AFP: variants seen among roughly 807,000 people sequenced by gnomAD.
AFP encodes the protein alpha fetoprotein, also known as alpha-fetoprotein.
AFP carries 64 observed loss-of-function variants against 78.9 expected under a neutral mutation model. That is an observed-to-expected ratio of 0.81 (90% confidence interval 0.66 to 1.00). The LOEUF is 1.00. Ranked by LOEUF, AFP falls within the 50% of genes least tolerant of loss-of-function variation. AFP has a pLI of 0.00. For synonymous variants in AFP, 254 were observed against 243.8 expected (o/e 1.04, Z -0.39); for missense variants, 689 against 703.8 (o/e 0.98, Z 0.24).
Position 73,452,459 on chromosome 4 carries a change from G to A in AFP, c.1487G>A (p.Gly496Asp), listed in dbSNP as rs201210663. ...CATGAAATGACTCCAGTAAACCCTG[G>A]TGTTGGCCAGTGCTGCACTTCTTCA... ...IRHEMTPVNP[G>D]VGQCCTSSYA... is the part of the protein sequence containing the mutation. Residue 496 changes from glycine (G) to aspartate (D), a missense_variant, in exon 12 of 15, where the codon GGT becomes GAT. Physicochemically the swap from Gly to Asp is moderately conservative, Grantham distance 94. Transcript: ENST00000395792. The A allele has an allele frequency of 1.4e-4, 234 of 1,614,072 alleles. 3 individuals carry two copies. In the South Asian group the frequency reaches 2.4e-3, roughly 16 times the overall value.
intron 4 of AFP, 27 bp downstream of exon 4, chr4:73,440,840 C>G (rs1490239091): frequency 6.3e-7 from 1 of 1,595,602 alleles, no homozygotes; most frequent in Non-Finnish European, 8.6e-7. Context: ...AAGGTAGATG[C>G]AAACCTCAGA....
intron 14 of AFP, 158 bp from the exon 15 acceptor site, chr4:73,455,471 CTA>C (rs1224558000): frequency 1.4e-4 from 92 of 645,984 alleles, no homozygotes; most frequent in Non-Finnish European, 2.2e-4. Flanking sequence ...AGTGGCTCAA[CTA>C]TGCAAAATCC....
chr4:73,450,659 C>T lies in AFP; in HGVS notation c.1334C>T (p.Ser445Leu), dbSNP rs140788572. The change falls in exon 11 of 15, where the codon TCG (serine) becomes TTG (leucine). Residue 445 changes from serine (S) to leucine (L), a missense_variant. Physicochemically the swap from Ser to Leu is moderately radical, Grantham distance 145. Coordinates refer to ENST00000395792, the MANE Select transcript of AFP (RefSeq NM_001134.3). The part of the protein sequence containing the change: ...YTKKAPQLTS[S>L]ELMAITRKMA... ...AAGAAAGCCCCCCAGCTGACCTCGTCGGAGCTGATGGCCATCACCAGAAAA... is the reference window on the plus strand; with the variant it reads ...AAGAAAGCCCCCCAGCTGACCTCGTTGGAGCTGATGGCCATCACCAGAAAA... 146 of 1,614,022 alleles carry T rather than the reference C, an allele frequency of 9.0e-5. No homozygotes were observed. Among genetic ancestry groups the T allele is most frequent in the Admixed American group, 1.8e-4 (11 of 59,986 alleles).
At chr4:73,453,089 TG>T (rs1720051920) in intron 12 of AFP, among the ~76,000 whole-genome samples, 1 of 152,220 alleles carries the variant, frequency 6.6e-6, no homozygotes, top group African/African-American at 2.4e-5. Flanking sequence ...CAGTTCATTG[TG>T]GGAGCTCTTT....
intron 14 of AFP, 132 bp downstream of exon 14, chr4:73,455,422 A>T: frequency 1.2e-6 from 1 of 802,468 alleles, no homozygotes; most frequent in East Asian, 2.5e-5. Context: ...AGTTTATTTT[A>T]AAAACACTTG....
At chr4:73,436,533 T>C (rs1262015184) in intron 1 of AFP, among the ~76,000 whole-genome samples, 186 bp downstream of exon 1, 4 of 151,970 alleles carry the variant, frequency 2.6e-5, no homozygotes, top group East Asian at 1.9e-4. Flanking sequence ...TACAAAGTTA[T>C]AGCAGTGTTT....
At chr4:73,442,195 T>C (rs1162041852) in intron 4 of AFP, 101 bp from the exon 5 acceptor site, 2 of 1,162,964 alleles carry the variant, frequency 1.7e-6, no homozygotes, top group Non-Finnish European at 2.5e-6. Flanking sequence ...TTTGTTGTTG[T>C]TGTTTTTGAA....
intron 4 of AFP, among the ~76,000 whole-genome samples, chr4:73,441,166 A>G (rs1324253876): frequency 2.6e-5 from 4 of 151,902 alleles, no homozygotes; most frequent in Non-Finnish European, 4.4e-5. Context: ...AGAGCCATAT[A>G]TTGGTGTTTT....
rs779218170 is a variant in AFP, at chr4:73,449,409, A to G, written c.1133A>G (p.Gln378Arg). 5 of 1,613,628 alleles carry G rather than the reference A, an allele frequency of 3.1e-6. No homozygotes were observed. The highest frequency in any genetic ancestry group is 4.2e-6 in the Non-Finnish European group (5 of 1,179,666). Residue 378 changes from glutamine (Q) to arginine (R), a missense_variant, in exon 9 of 15, where the codon CAG (glutamine) becomes CGG (arginine). Coordinates refer to ENST00000395792, the MANE Select transcript of AFP (RefSeq NM_001134.3). The part of the protein sequence containing the change: ...SVILRVAKGY[Q>R]ELLEKCFQTE... ...ATTCTAAGAGTTGCTAAAGGATACCAGGAGTTATTGGAGAAGTGTTTCCAG... is the reference window on the plus strand; with the variant it reads ...ATTCTAAGAGTTGCTAAAGGATACCGGGAGTTATTGGAGAAGTGTTTCCAG...
chr4:73,451,789 C>A (rs1269198577), intron 11 of AFP, among the ~76,000 whole-genome samples: 1 of 152,194 alleles, frequency 6.6e-6, no homozygotes, highest in African/African-American at 2.4e-5. Flanking sequence ...CAGCACTAGT[C>A]TGACAGATAA....
rs1420244947 is a variant in AFP at position 73,452,411 on chromosome 4, T to A, written c.1439T>A (p.Ile480Asn). Residue 480 changes from isoleucine (I) to asparagine (N), a missense_variant, in exon 12 of 15, where the codon ATT becomes AAT. By Grantham distance (149) the Ile-to-Asn change is moderately radical (BLOSUM62 -3). Transcript: ENST00000395792. ...CATTCTCCTAACCAGGCTGACATTA[T>A]TATCGGACACTTATGTATCAGACAT... is the stretch of plus-strand genomic sequence containing the variant. ...LACGEGAADIIIGHLCIRHEM... is the reference protein window; with the variant it reads ...LACGEGAADINIGHLCIRHEM... 1.9e-6 allele frequency: 3 copies of A among 1,613,848 alleles called. No individual in the cohort carries two copies. Among genetic ancestry groups the A allele is most frequent in the Non-Finnish European group, 2.5e-6 (3 of 1,179,848 alleles).
intron 4 of AFP, among the ~76,000 whole-genome samples, chr4:73,442,087 T>C (rs527689766): frequency 4.6e-5 from 7 of 152,250 alleles, no homozygotes; most frequent in Admixed American, 6.5e-5. Context: ...CAGATATTTT[T>C]CCCCCCAGGA....
At chr4:73,445,178 G>A (rs997269440) in intron 7 of AFP, 56 bp downstream of exon 7, 6 of 1,602,456 alleles carry the variant, frequency 3.7e-6, no homozygotes, top group Non-Finnish European at 5.1e-6. Context: ...CTTTCTTTTT[G>A]TCTCATTCTA....
At chr4:73,445,731 C>G (rs1719801823) in intron 7 of AFP, among the ~76,000 whole-genome samples, 1 of 152,100 alleles carries the variant, frequency 6.6e-6, no homozygotes, top group Non-Finnish European at 1.5e-5. Context: ...AAAAAGCTAG[C>G]CTTGCCAAAG....
intron 2 of AFP, 82 bp downstream of exon 2, chr4:73,437,293 G>T: frequency 8.5e-7 from 1 of 1,171,610 alleles, no homozygotes. Context: ...GTACCCCTGT[G>T]AGCTCTTAAA....
intron 10 of AFP, 100 bp downstream of exon 10, chr4:73,450,233 A>G: frequency 9.9e-7 from 1 of 1,010,440 alleles, no homozygotes; most frequent in Non-Finnish European, 1.5e-6. Context: ...ATGACCTGTG[A>G]GGTCTGATCT....
chr4:73,455,178 G>T, intron 13 of AFP, 58 bp from the exon 14 acceptor site: 3 of 1,305,114 alleles, frequency 2.3e-6, no homozygotes, highest in Non-Finnish European at 3.3e-6. Flanking sequence ...AGTGTTAACT[G>T]TATGATTGGT....
At chr4:73,454,155 A>T (rs1720094391) in intron 13 of AFP, among the ~76,000 whole-genome samples, 1 of 151,892 alleles carries the variant, frequency 6.6e-6, no homozygotes, top group Non-Finnish European at 1.5e-5. Flanking sequence ...GAAACCCATA[A>T]AGTGAATGTG....
intron 3 of AFP, among the ~76,000 whole-genome samples, chr4:73,438,954 GGCAGA>G (rs1380408741): frequency 6.6e-6 from 1 of 152,102 alleles, no homozygotes; most frequent in African/African-American, 2.4e-5. Flanking sequence ...ACCACCAAAT[GGCAGA>G]GCCAGGATTT....
Sources: allele counts gnomAD v4.1 joint callset (sites outside exome capture counted in the v4.1 genomes callset), GRCh38; gene constraint gnomAD v4.1.1; transcripts MANE v1.5; gene names NCBI Gene and HGNC (gene_info 2026-07-23, HGNC 2026-07-21).